Variants in ANO3 observed in about 807,000 individuals in gnomAD.
ANO3 encodes anoctamin-3.
In ANO3, 99 loss-of-function variants were observed where a neutral mutation model predicts 144.8. The ratio of observed to expected loss-of-function variants is 0.68; its 90% CI spans 0.58 to 0.81. ANO3 has a LOEUF of 0.81. Among genes scored for constraint, ANO3 ranks in the 30% least tolerant of loss-of-function variants. The probability of loss-of-function intolerance (pLI) is 0.00; values close to 1 mark genes in which losing one functional copy is unlikely to be tolerated. For synonymous variants in ANO3, 414 were observed against 392.6 expected (o/e 1.05, Z -0.64); for missense variants, 905 against 1,202.2 (o/e 0.75, Z 3.66).
At chr11:26,193,056 T>C (rs1428112428) in intron 1 of ANO3, among the ~76,000 whole-genome samples, 1 of 151,932 alleles carries the variant, frequency 6.6e-6, no homozygotes, top group African/African-American at 2.4e-5. Context: ...ATTAGGTATT[T>C]GTCCTAATGC....
At chr11:26,623,511 C>G (rs1232063508) in intron 17 of ANO3, among the ~76,000 whole-genome samples, 1 of 151,914 alleles carries the variant, frequency 6.6e-6, no homozygotes, top group Admixed American at 6.6e-5. Flanking sequence ...AAATATTGGT[C>G]AGAGTATATA....
chr11:26,480,568 G>C (rs913471260), intron 4 of ANO3, among the ~76,000 whole-genome samples: 3 of 152,178 alleles, frequency 2.0e-5, no homozygotes, highest in African/African-American at 7.2e-5. Flanking sequence ...AACACTTTGG[G>C]AGGCCAAGAT....
intron 1 of ANO3, among the ~76,000 whole-genome samples, chr11:26,281,911 T>G (rs1408208691): frequency 6.6e-6 from 1 of 152,156 alleles, no homozygotes; most frequent in African/African-American, 2.4e-5. Context: ...CATGTGCATA[T>G]GAAGACATGC....
intron 3 of ANO3, among the ~76,000 whole-genome samples, chr11:26,457,345 A>AG (rs1859207329): frequency 6.6e-6 from 1 of 151,122 alleles, no homozygotes; most frequent in African/African-American, 2.4e-5. Flanking sequence ...AAAAAAAAAA[A>AG]GAAAACAGAT....
chr11:26,406,953 CAT>C (rs1010825022), intron 1 of ANO3, among the ~76,000 whole-genome samples: 8 of 140,734 alleles, frequency 5.7e-5, no homozygotes, highest in South Asian at 2.2e-4. Flanking sequence ...TGTATATATA[CAT>C]ATATATATAC....
intron 14 of ANO3, among the ~76,000 whole-genome samples, chr11:26,591,712 A>C (rs1009345397): frequency 1.3e-5 from 2 of 152,110 alleles, no homozygotes; most frequent in Non-Finnish European, 2.9e-5. Flanking sequence ...TAAAAAGAAA[A>C]ATGTGACAAA....
intron 14 of ANO3, 118 bp downstream of exon 14, chr11:26,559,897 A>G (rs554209845): frequency 1.3e-6 from 1 of 775,226 alleles, no homozygotes; most frequent in East Asian, 2.5e-5. Flanking sequence ...TCAAAAATAA[A>G]GCCTCTAGGT....
chr11:26,561,539 A>T (rs907024898), intron 14 of ANO3, among the ~76,000 whole-genome samples: 1 of 151,942 alleles, frequency 6.6e-6, no homozygotes, highest in Admixed American at 6.6e-5. Context: ...TTGACTTTTG[A>T]ATCTTGTGAT....
chr11:26,550,858 T>C (rs1281781118), intron 12 of ANO3, among the ~76,000 whole-genome samples: 1 of 151,966 alleles, frequency 6.6e-6, no homozygotes, highest in Non-Finnish European at 1.5e-5. Flanking sequence ...CTGTTTTTCA[T>C]AGCAGTGGAC....
intron 3 of ANO3, among the ~76,000 whole-genome samples, chr11:26,458,465 T>G (rs1859250631): frequency 6.6e-6 from 1 of 152,196 alleles, no homozygotes; most frequent in African/African-American, 2.4e-5. Context: ...ACAATTTACA[T>G]TTCCTTCATA....
intron 12 of ANO3, among the ~76,000 whole-genome samples, chr11:26,553,020 C>A (rs1849977517): frequency 1.3e-5 from 2 of 152,160 alleles, no homozygotes; most frequent in Non-Finnish European, 1.5e-5. Flanking sequence ...ATCTTGACAG[C>A]ATTTTCTAAA....
At chr11:26,332,815 C>T (rs1855090886) in intron 1 of ANO3, among the ~76,000 whole-genome samples, 1 of 152,128 alleles carries the variant, frequency 6.6e-6, no homozygotes, top group Admixed American at 6.5e-5. Context: ...GGCTCTGTCA[C>T]TTCCTTGGGA....
chr11:26,590,678 G>A (rs572170740), intron 14 of ANO3, among the ~76,000 whole-genome samples: 32 of 152,328 alleles, frequency 2.1e-4, no homozygotes, highest in Middle Eastern at 3.4e-3. Flanking sequence ...GGACGAACCC[G>A]AGCACTTAGC....
chr11:26,585,157 G>A (rs1435106272), intron 14 of ANO3, among the ~76,000 whole-genome samples: 2 of 152,086 alleles, frequency 1.3e-5, no homozygotes, highest in African/African-American at 4.8e-5. Context: ...TTTCCAGAGT[G>A]GTTAAAAAGA....
chr11:26,567,558 T>C (rs910039259), intron 14 of ANO3, among the ~76,000 whole-genome samples: 1 of 152,002 alleles, frequency 6.6e-6, no homozygotes, highest in Admixed American at 6.6e-5. Flanking sequence ...CGTAAATATA[T>C]CTATAATATA....
At chr11:26,405,381 A>G (rs1857253328) in intron 1 of ANO3, among the ~76,000 whole-genome samples, 1 of 151,802 alleles carries the variant, frequency 6.6e-6, no homozygotes, top group Non-Finnish European at 1.5e-5. Context: ...AAAGTAGAAG[A>G]TATGTCCTAA....
chr11:26,254,269 A>G (rs113567629), intron 1 of ANO3, among the ~76,000 whole-genome samples: 1 of 152,146 alleles, frequency 6.6e-6, no homozygotes, highest in African/African-American at 2.4e-5. Context: ...AGAGAGCCTA[A>G]ATAGTTTAGG....
intron 17 of ANO3, among the ~76,000 whole-genome samples, chr11:26,601,869 G>A (rs766763742): frequency 2.7e-4 from 41 of 152,128 alleles, no homozygotes; most frequent in Non-Finnish European, 4.3e-4. Context: ...ATTTCTTATC[G>A]TAAGTAGGTT....
intron 14 of ANO3, chr11:26,561,181 C>T (rs768842828): frequency 1.2e-6 from 2 of 1,612,048 alleles, no homozygotes; most frequent in Non-Finnish European, 8.5e-7. Context: ...CTAGAATTCC[C>T]AAAACTCACA....
Sources: gnomAD v4.1 joint callset for allele counts (sites outside exome capture counted in the v4.1 genomes callset) on GRCh38, gnomAD v4.1.1 for gene constraint, MANE v1.5 for transcripts, NCBI Gene and HGNC (gene_info 2026-07-23, HGNC 2026-07-21) for gene names.